The following ACMSD variants were observed in gnomAD, a reference collection of about 807,000 sequenced individuals.
The protein encoded by ACMSD is 2-amino-3-carboxymuconate-6-semialdehyde decarboxylase.
Under a neutral mutation model 45.9 loss-of-function variants are expected in ACMSD, and 37 were observed. The observed-to-expected ratio is 0.81, with a 90% CI of 0.62 to 1.06. ACMSD has a LOEUF of 1.06. Among genes scored for constraint, ACMSD ranks in the 50% least tolerant of loss-of-function variants. The pLI, the probability that ACMSD is intolerant of heterozygous loss-of-function variation, is 0.00. For missense variants in ACMSD, 434 were observed against 420.9 expected, an observed-to-expected ratio of 1.03 and a Z score of -0.27; for synonymous variants, 138 against 148.8, an observed-to-expected ratio of 0.93 and a Z score of 0.53.
In ACMSD at chr2:134,863,415, A is replaced by C. The variant is rs755651330; in HGVS notation, c.270A>C (p.Leu90Phe). The change falls in exon 5 of 10, where the codon TTA becomes TTC. Residue 90 changes from leucine (L) to phenylalanine (F), a missense_variant. Physicochemically the swap from Leu to Phe is conservative, Grantham distance 22 (BLOSUM62 0). Coordinates refer to ENST00000356140, the MANE Select transcript of ACMSD (RefSeq NM_138326.3). ...ACCAGGCCAAACCTGAGGACACTTT[A>C]AACCTGTGCCAGCTTTTAAACAACG... is the stretch of plus-strand genomic sequence containing the variant. ...FSYWAKPEDT[L>F]NLCQLLNNDL... 5.0e-6 allele frequency: 8 copies of C among 1,614,206 alleles called. 1 individual carries two copies. In the Middle Eastern group the frequency reaches 4.9e-4, roughly 100 times the overall value.
At position 134,871,067 on chromosome 2, in the gene ACMSD, C is replaced by T. The variant is rs1193300411; in HGVS notation, c.676+7C>T. ...GTGTGTTTCGCACATGGTGGTAAGACCCTATCTTTATTAGTCAGCTCAGGC... is the reference window on the plus strand; with the variant it reads ...GTGTGTTTCGCACATGGTGGTAAGATCCTATCTTTATTAGTCAGCTCAGGC... On this transcript the variant is annotated splice_region_variant and intron_variant, in intron 7 of 9. Coordinates refer to ENST00000356140, the MANE Select transcript of ACMSD (RefSeq NM_138326.3). The T allele has an allele frequency of 1.2e-6, 2 of 1,611,852 alleles. No individual in the cohort carries two copies. The highest frequency in any genetic ancestry group is 1.1e-5 in the South Asian group (1 of 90,956).
At chr2:134,856,081 CATA>C (rs1462659177) in intron 2 of ACMSD, among the ~76,000 whole-genome samples, 2 of 152,152 alleles carry the variant, frequency 1.3e-5, no homozygotes, top group African/African-American at 2.4e-5. Flanking sequence ...AACAAATAAC[CATA>C]ATAACACTTA....
intron 2 of ACMSD, among the ~76,000 whole-genome samples, chr2:134,854,303 C>T (rs1418563091): frequency 6.6e-6 from 1 of 152,170 alleles, no homozygotes; most frequent in East Asian, 1.9e-4. Context: ...TTGCAAACAA[C>T]AGAATTCACT....
intron 6 of ACMSD, 157 bp downstream of exon 6, chr2:134,867,829 C>CCTG: frequency 2.2e-6 from 1 of 462,316 alleles, no homozygotes; most frequent in Non-Finnish European, 3.9e-6. Flanking sequence ...TGGATTAATG[C>CCTG]TATATATATA....
At chr2:134,866,380 G>A (rs541593578) in intron 5 of ACMSD, among the ~76,000 whole-genome samples, 9 of 152,100 alleles carry the variant, frequency 5.9e-5, no homozygotes, top group Non-Finnish European at 1.3e-4. Flanking sequence ...GAGATACCAT[G>A]ACCATGCACC....
intron 8 of ACMSD, among the ~76,000 whole-genome samples, chr2:134,894,910 A>T (rs1314313798): frequency 6.6e-6 from 1 of 152,224 alleles, no homozygotes; most frequent in Non-Finnish European, 1.5e-5. Flanking sequence ...ATAAATAAAA[A>T]ATTAATTGTA....
Position 134,863,326 on chromosome 2 carries a change from T to C in ACMSD, c.250-69T>C, listed in dbSNP as rs954250357. Reference sequence around the variant, plus strand: ...AAATATTATAGCCATGAGGAGGCACTGTTCAGAGTGAATGTCTAAAAGAAG... The same window carrying C: ...AAATATTATAGCCATGAGGAGGCACCGTTCAGAGTGAATGTCTAAAAGAAG... On this transcript the variant is annotated intron_variant, in intron 4 of 9. Coordinates refer to ENST00000356140, the MANE Select transcript of ACMSD (RefSeq NM_138326.3). 4.9e-6 allele frequency: 7 copies of C among 1,416,044 alleles called. No homozygotes were observed. In the African/African-American group the frequency reaches 8.5e-5, roughly 17 times the overall value. 87.7% of individuals were successfully genotyped at this position (1,416,044 alleles called of 1,614,324 possible).
At chr2:134,864,344 T>C (rs1204611787) in intron 5 of ACMSD, among the ~76,000 whole-genome samples, 1 of 151,880 alleles carries the variant, frequency 6.6e-6, no homozygotes, top group Non-Finnish European at 1.5e-5. Context: ...TGGAAGAAAT[T>C]ATCGAAAATA....
chr2:134,866,001 T>G (rs1688079621), intron 5 of ACMSD, among the ~76,000 whole-genome samples: 2 of 152,160 alleles, frequency 1.3e-5, no homozygotes, highest in African/African-American at 4.8e-5. Context: ...TATAACAGCT[T>G]GGGCACATAA....
At chr2:134,864,786 GT>G (rs1428410853) in intron 5 of ACMSD, among the ~76,000 whole-genome samples, 1 of 152,102 alleles carries the variant, frequency 6.6e-6, no homozygotes, top group Non-Finnish European at 1.5e-5. Context: ...TAAAATGTAT[GT>G]TCAAAAATTC....
At chr2:134,901,766 T>A in intron 9 of ACMSD, 32 bp from the exon 10 acceptor site, 2 of 1,556,724 alleles carry the variant, frequency 1.3e-6, no homozygotes, top group Non-Finnish European at 1.8e-6. Context: ...AAACAACCAA[T>A]AATGCTTTAA....
chr2:134,857,030 T>C (rs532609082), intron 2 of ACMSD, among the ~76,000 whole-genome samples: 1 of 152,368 alleles, frequency 6.6e-6, no homozygotes, highest in South Asian at 2.1e-4. Context: ...GAACATGGGA[T>C]GTTTTTCCAT....
chr2:134,877,534 T>A (rs1469627859), intron 8 of ACMSD: 1 of 152,368 alleles, frequency 6.6e-6, no homozygotes, highest in Non-Finnish European at 1.5e-5. Flanking sequence ...GAGTGGCATG[T>A]CAGTGCTTGG....
At chr2:134,882,616 T>A (rs1689102855) in intron 8 of ACMSD, among the ~76,000 whole-genome samples, 2 of 152,248 alleles carry the variant, frequency 1.3e-5, no homozygotes, top group African/African-American at 2.4e-5. Flanking sequence ...TAAACCAGGC[T>A]CTTTCTCTGG....
At position 134,838,715 on chromosome 2, in the gene ACMSD, A is replaced by T. The variant is rs41320845; in HGVS notation, c.33A>T (p.Pro11=). 3,684 of 1,612,198 alleles carry T rather than the reference A, an allele frequency of 2.3e-3. 75 individuals are homozygous for T. In the African/African-American group the frequency reaches 0.044, roughly 19 times the overall value. Residue 11 remains proline (P), a synonymous_variant, in exon 1 of 10, where the codon CCA becomes CCT. Coordinates refer to ENST00000356140, the MANE Select transcript of ACMSD (RefSeq NM_138326.3). The stretch of plus-strand genomic sequence containing the variant: ...TTGACATCCATAGTCATATTCTACC[A>T]AAAGAATGGCCAGATCTAAAAAAGG... MKIDIHSHIL[P]KEWPDLKKRF... is the part of the protein sequence containing the mutation.
chr2:134,870,516 G>A (rs564878717), intron 6 of ACMSD, among the ~76,000 whole-genome samples: 7 of 152,216 alleles, frequency 4.6e-5, no homozygotes, highest in Admixed American at 1.3e-4. Context: ...GAACTTGGCC[G>A]ACATCATTAT....
In ACMSD at chr2:134,865,642, G is replaced by T. The variant is rs185282919; in HGVS notation, c.487-1937G>T. Among the ~76,000 whole-genome samples the T allele has an allele frequency of 9.2e-5, 14 of 152,240 alleles. No individual in the cohort carries two copies. The East Asian group carries it at 2.7e-3, about 29-fold the overall frequency. ...TGCCTGCCTCTCTGCTCTCTAGTTT[G>T]CGTCAATAATGTGCTGAAATGAATT... On this transcript the variant is annotated intron_variant, in intron 5 of 9. Coordinates refer to ENST00000356140, the MANE Select transcript of ACMSD (RefSeq NM_138326.3).
At chr2:134,870,617 C>T (rs768160669) in intron 6 of ACMSD, among the ~76,000 whole-genome samples, 1 of 152,168 alleles carries the variant, frequency 6.6e-6, no homozygotes, top group Non-Finnish European at 1.5e-5. Flanking sequence ...GATAACTTGC[C>T]AGAGGCCAGG....
At chr2:134,887,089 A>C (rs1201093390) in intron 8 of ACMSD, among the ~76,000 whole-genome samples, 1 of 152,218 alleles carries the variant, frequency 6.6e-6, no homozygotes, top group African/African-American at 2.4e-5. Flanking sequence ...ATTTTTAAAA[A>C]TCTAAATAAA....
Sources: gnomAD v4.1 joint callset for allele counts (sites outside exome capture counted in the v4.1 genomes callset) on GRCh38, gnomAD v4.1.1 for gene constraint, MANE v1.5 for transcripts, NCBI Gene and HGNC (gene_info 2026-07-23, HGNC 2026-07-21) for gene names.